Variants in ZFPM2 observed in about 807,000 individuals in gnomAD.
ZFPM2 encodes zinc finger protein ZFPM2.
In ZFPM2, 20 loss-of-function variants were observed where a neutral mutation model predicts 98.6. The ratio of observed to expected loss-of-function variants is 0.20; its 90% confidence interval spans 0.14 to 0.29. The LOEUF (loss-of-function observed/expected upper bound fraction) is 0.29, where lower values mean the gene tolerates loss of function less well. Among genes scored for constraint, ZFPM2 ranks in the 10% least tolerant of loss-of-function variants. ZFPM2 has a pLI of 1.00. For missense variants in ZFPM2, 1,310 were observed against 1,388.6 expected (o/e 0.94, Z 0.90); for synonymous variants, 518 against 502.7 (o/e 1.03, Z -0.41).
At chr8:105,760,358 A>G (rs1236219461) in intron 5 of ZFPM2, among the ~76,000 whole-genome samples, 5 of 152,116 alleles carry the variant, frequency 3.3e-5, no homozygotes, top group Non-Finnish European at 7.4e-5. Context: ...GCAAAGCTGC[A>G]TGGTGTTTCA....
chr8:105,465,010 C>T (rs935122187), intron 3 of ZFPM2, among the ~76,000 whole-genome samples: 1 of 151,014 alleles, frequency 6.6e-6, no homozygotes, highest in African/African-American at 2.4e-5. Flanking sequence ...ATTCACTCAG[C>T]CTGTATCGTA....
At chr8:105,363,894 A>C (rs1810454362) in intron 1 of ZFPM2, among the ~76,000 whole-genome samples, 1 of 151,844 alleles carries the variant, frequency 6.6e-6, no homozygotes, top group African/African-American at 2.4e-5. Context: ...TTCTAAAATT[A>C]ACTTAATTTA....
intron 5 of ZFPM2, among the ~76,000 whole-genome samples, chr8:105,718,424 A>G (rs190792041): frequency 6.6e-6 from 1 of 152,110 alleles, no homozygotes; most frequent in African/African-American, 2.4e-5. Flanking sequence ...AAACTGTAGC[A>G]GGATAGAGAT....
At chr8:105,742,977 A>G (rs536352553) in intron 5 of ZFPM2, among the ~76,000 whole-genome samples, 49 of 152,220 alleles carry the variant, frequency 3.2e-4, no homozygotes, top group African/African-American at 1.1e-3. Flanking sequence ...TACAGGAGAT[A>G]ATGTTTCAAG....
At chr8:105,448,083 T>C (rs1253592747) in intron 3 of ZFPM2, among the ~76,000 whole-genome samples, 1 of 152,084 alleles carries the variant, frequency 6.6e-6, no homozygotes, top group Non-Finnish European at 1.5e-5. Flanking sequence ...CTATGAATCT[T>C]TCATGGTTTG....
At chr8:105,655,826 A>G (rs1367557343) in intron 5 of ZFPM2, among the ~76,000 whole-genome samples, 1 of 152,190 alleles carries the variant, frequency 6.6e-6, no homozygotes, top group African/African-American at 2.4e-5. Context: ...CATTGTGATT[A>G]TCGTTACTTT....
At chr8:105,788,591 T>C in intron 5 of ZFPM2, 127 bp from the exon 6 acceptor site, 1 of 900,136 alleles carries the variant, frequency 1.1e-6, no homozygotes, top group Non-Finnish European at 1.7e-6. Context: ...GTTGCCTTGA[T>C]CAAACACTCC....
chr8:105,678,300 T>C (rs536843860), intron 5 of ZFPM2, among the ~76,000 whole-genome samples: 1 of 152,338 alleles, frequency 6.6e-6, no homozygotes, highest in Admixed American at 6.5e-5. Flanking sequence ...GCTAGTCACA[T>C]GCAATAGCAC....
intron 3 of ZFPM2, among the ~76,000 whole-genome samples, chr8:105,534,206 T>A: frequency 3.4e-5 from 2 of 58,980 alleles, no homozygotes; most frequent in African/African-American, 1.7e-4. Context: ...CCTCCCTCCC[T>A]TCTTCCTTCT....
At chr8:105,523,586 A>T (rs1563698448) in intron 3 of ZFPM2, among the ~76,000 whole-genome samples, 1 of 152,162 alleles carries the variant, frequency 6.6e-6, no homozygotes, top group Non-Finnish European at 1.5e-5. Flanking sequence ...GCTTTGAAGT[A>T]AATCCTCTGA....
chr8:105,511,824 T>C (rs761980487), intron 3 of ZFPM2, among the ~76,000 whole-genome samples: 4 of 152,170 alleles, frequency 2.6e-5, no homozygotes, highest in Non-Finnish European at 5.9e-5. Context: ...CCCATAGTTA[T>C]GGTACTCAAG....
intron 1 of ZFPM2, among the ~76,000 whole-genome samples, chr8:105,330,617 T>C (rs1252375837): frequency 1.7e-5 from 1 of 58,856 alleles, no homozygotes; most frequent in African/African-American, 1.0e-4. Context: ...TATACACATA[T>C]ATATATATAT....
intron 5 of ZFPM2, among the ~76,000 whole-genome samples, chr8:105,664,965 T>C (rs1586183378): frequency 6.6e-6 from 1 of 152,304 alleles, no homozygotes; most frequent in East Asian, 1.9e-4. Context: ...AATTCACTGT[T>C]TTAGTTCATT....
chr8:105,613,462 G>A (rs931413596), intron 4 of ZFPM2, among the ~76,000 whole-genome samples: 1 of 152,108 alleles, frequency 6.6e-6, no homozygotes, highest in Non-Finnish European at 1.5e-5. Context: ...AATAACAAAT[G>A]TGGTAAAAAA....
intron 1 of ZFPM2, among the ~76,000 whole-genome samples, chr8:105,393,436 C>T (rs1394797599): frequency 6.8e-6 from 1 of 147,848 alleles, no homozygotes; most frequent in Non-Finnish European, 1.5e-5. Context: ...ATGATTATAT[C>T]TCCAGGTTTT....
chr8:105,330,754 G>A (rs565293401), intron 1 of ZFPM2, among the ~76,000 whole-genome samples: 5 of 149,510 alleles, frequency 3.3e-5, no homozygotes, highest in African/African-American at 9.8e-5. Context: ...TGTTTTGATG[G>A]TTACATTGCT....
At chr8:105,397,941 GT>G (rs1811256215) in intron 1 of ZFPM2, among the ~76,000 whole-genome samples, 1 of 152,046 alleles carries the variant, frequency 6.6e-6, no homozygotes. Flanking sequence ...ATAATGAGAG[GT>G]TTAACCAGCT....
At chr8:105,455,092 G>A (rs1195129502) in intron 3 of ZFPM2, among the ~76,000 whole-genome samples, 2 of 152,116 alleles carry the variant, frequency 1.3e-5, no homozygotes, top group African/African-American at 4.8e-5. Flanking sequence ...CAAAAGAAAT[G>A]CTCATTGAAG....
chr8:105,802,971 T>C lies in ZFPM2; in HGVS notation c.2889T>C (p.Leu963=), dbSNP rs1357884911. The change falls in exon 8 of 8, where the codon CTT becomes CTC. Residue 963 remains leucine, a synonymous_variant. Coordinates refer to ENST00000407775, the MANE Select transcript of ZFPM2 (RefSeq NM_012082.4). ...AAGAAGAAAACAGACATTTGTTTCT[T>C]CCACAATGCCTTTACCCTGGAGCAA... The part of the protein sequence containing the change: ...ATKEENRHLF[L]PQCLYPGAIK... 1 of 1,612,690 alleles carries C rather than the reference T, an allele frequency of 6.2e-7. No homozygotes were observed. The highest frequency in any genetic ancestry group is 1.7e-5 in the Admixed American group (1 of 59,792).
Sources: allele counts gnomAD v4.1 joint callset (sites outside exome capture counted in the v4.1 genomes callset), GRCh38; gene constraint gnomAD v4.1.1; transcripts MANE v1.5; gene names NCBI Gene and HGNC (gene_info 2026-07-23, HGNC 2026-07-21).